The following POLK variants were observed in gnomAD, a reference collection of about 807,000 sequenced individuals.
POLK encodes the protein polymerase (DNA directed) kappa.
In POLK, 76 loss-of-function variants were observed where a neutral mutation model predicts 94.0. The ratio of observed to expected loss-of-function variants is 0.81; its 90% CI spans 0.67 to 0.98. The LOEUF is 0.98. POLK is among the 50% of genes least tolerant of loss of function. The pLI is 0.00. For missense variants in POLK, 954 were observed against 1,010.1 expected, an observed-to-expected ratio of 0.94 and a Z score of 0.75; for synonymous variants, 349 against 325.4, an observed-to-expected ratio of 1.07 and a Z score of -0.78.
intron 1 of POLK, among the ~76,000 whole-genome samples, chr5:75,536,267 C>G (rs1396764883): frequency 6.6e-6 from 1 of 152,098 alleles, no homozygotes; most frequent in Non-Finnish European, 1.5e-5. Context: ...GGGGGGTGTT[C>G]TGGTCCACAG....
chr5:75,539,412 T>C (rs956006034), intron 1 of POLK, among the ~76,000 whole-genome samples: 2 of 152,214 alleles, frequency 1.3e-5, no homozygotes, highest in Non-Finnish European at 2.9e-5. Context: ...CTTTTAAAAT[T>C]CATCAATATT....
chr5:75,550,696 A>T (rs2112654358), intron 2 of POLK, among the ~76,000 whole-genome samples: 1 of 152,346 alleles, frequency 6.6e-6, no homozygotes, highest in Non-Finnish European at 1.5e-5. Flanking sequence ...AGCATATTTG[A>T]TAAAATCCCA....
At chr5:75,600,056 T>G (rs947034890) in exon 15 of POLK, 2 of 152,108 alleles carry the variant, frequency 1.3e-5, no homozygotes, top group African/African-American at 2.4e-5. Flanking sequence ...ATAAACCTAA[T>G]ATAAAGAACC....
At chr5:75,578,034 G>A (rs1771993995) in intron 6 of POLK, among the ~76,000 whole-genome samples, 1 of 152,184 alleles carries the variant, frequency 6.6e-6, no homozygotes, top group South Asian at 2.1e-4. Flanking sequence ...ACAAGAGAAT[G>A]GGGGAAAATC....
chr5:75,596,982 C>T, exon 13 of POLK: 2 of 1,613,782 alleles, frequency 1.2e-6, no homozygotes, highest in Non-Finnish European at 1.7e-6. Context: ...GACAAGAATA[C>T]CGCCAGCCTT....
At chr5:75,583,655 T>C (rs1185506576) in intron 8 of POLK, among the ~76,000 whole-genome samples, 1 of 152,168 alleles carries the variant, frequency 6.6e-6, no homozygotes, top group African/African-American at 2.4e-5. Context: ...TTAAGTGAAC[T>C]ACTGCCAAGG....
At chr5:75,571,679 C>A (rs1181116059) in intron 4 of POLK, among the ~76,000 whole-genome samples, 1 of 152,222 alleles carries the variant, frequency 6.6e-6, no homozygotes, top group African/African-American at 2.4e-5. Flanking sequence ...TGCTGGATTA[C>A]AAAAAGCAAA....
chr5:75,527,577 ATG>A (rs888502618), intron 1 of POLK, among the ~76,000 whole-genome samples: 2 of 149,880 alleles, frequency 1.3e-5, no homozygotes, highest in Non-Finnish European at 3.0e-5. Flanking sequence ...ATACATGTGT[ATG>A]TGTGTGTGTA....
At chr5:75,528,649 C>CAAA (rs573349562) in intron 1 of POLK, among the ~76,000 whole-genome samples, 8 of 138,996 alleles carry the variant, frequency 5.8e-5, no homozygotes, top group African/African-American at 1.9e-4. Context: ...TCCACTCTAC[C>CAAA]AAAAAAAAAA....
exon 1 of POLK, chr5:75,511,801 G>C: frequency 6.4e-7 from 1 of 1,551,562 alleles, no homozygotes; most frequent in Non-Finnish European, 8.7e-7. Flanking sequence ...AGCAGGAGGA[G>C]CGGAGAAAGG....
intron 2 of POLK, among the ~76,000 whole-genome samples, chr5:75,551,126 T>C (rs911393294): frequency 1.3e-5 from 2 of 151,958 alleles, no homozygotes; most frequent in African/African-American, 4.8e-5. Context: ...GCCAAAACAA[T>C]ACAACTTTTA....
chr5:75,591,015 G>A (rs376211655), intron 11 of POLK, among the ~76,000 whole-genome samples: 4 of 152,018 alleles, frequency 2.6e-5, no homozygotes, highest in Admixed American at 6.5e-5. Flanking sequence ...AGTACAAAGC[G>A]TAATAAAAAG....
intron 5 of POLK, among the ~76,000 whole-genome samples, chr5:75,575,888 C>T (rs1581060175): frequency 6.6e-6 from 1 of 152,108 alleles, no homozygotes. Context: ...GGAAGCTTAA[C>T]GTAATTCAGC....
At position 75,590,378 on chromosome 5, in the gene POLK, T is replaced by A. The variant is rs569469180; in HGVS notation, c.1294T>A (p.Tyr432Asn). ...TGAGATAAATAAAGCGGAAGAGCAATACAGCCTATGTCAAGAACTTTGCAG... is the reference window on the plus strand; with the variant it reads ...TGAGATAAATAAAGCGGAAGAGCAAAACAGCCTATGTCAAGAACTTTGCAG... The change falls in exon 11 of 15, where the codon TAC becomes AAC. Residue 432 changes from tyrosine to asparagine, a missense_variant. By Grantham distance (143) the Tyr-to-Asn change is moderately radical. Transcript: ENST00000241436. 60 of 1,608,118 alleles carry A rather than the reference T, an allele frequency of 3.7e-5. No homozygotes were observed. In the South Asian group the frequency reaches 6.6e-4, roughly 18 times the overall value.
chr5:75,593,373 G>T (rs139205069), intron 11 of POLK, among the ~76,000 whole-genome samples: 4 of 151,958 alleles, frequency 2.6e-5, no homozygotes, highest in Admixed American at 6.6e-5. Context: ...CTCGTGATCC[G>T]CCCGCCCAAA....
At chr5:75,565,006 T>G (rs1320766464) in intron 3 of POLK, among the ~76,000 whole-genome samples, 1 of 152,190 alleles carries the variant, frequency 6.6e-6, no homozygotes, top group Non-Finnish European at 1.5e-5. Context: ...TCTTGTCAGT[T>G]TTAGTTTCAC....
At chr5:75,541,610 G>GTTTTC (rs60630504) in intron 1 of POLK, among the ~76,000 whole-genome samples, 14,176 of 152,152 alleles carry the variant, frequency 0.093, 752 homozygotes, top group South Asian at 0.17. Context: ...AAAAACTTGA[G>GTTTTC]TTTTAGTGTA....
intron 6 of POLK, among the ~76,000 whole-genome samples, chr5:75,578,391 A>G (rs1159932359): frequency 6.6e-6 from 1 of 152,184 alleles, no homozygotes; most frequent in Non-Finnish European, 1.5e-5. Flanking sequence ...TCCTGACCTC[A>G]GGTGATCTGC....
intron 3 of POLK, among the ~76,000 whole-genome samples, chr5:75,563,790 T>C (rs986591617): frequency 3.3e-5 from 5 of 152,234 alleles, no homozygotes; most frequent in African/African-American, 7.2e-5. Context: ...CTTTTGCATT[T>C]GCTGAGGAGT....
Sources: gnomAD v4.1 joint callset for allele counts (sites outside exome capture counted in the v4.1 genomes callset) on GRCh38, gnomAD v4.1.1 for gene constraint, MANE v1.5 for transcripts, NCBI Gene and HGNC (gene_info 2026-07-23, HGNC 2026-07-21) for gene names.